The following NDRG3 variants were observed in gnomAD, a reference collection of about 807,000 sequenced individuals.
The protein encoded by NDRG3 is protein NDRG3.
NDRG3 carries 23 observed loss-of-function variants against 57.2 expected under a neutral mutation model. That is an observed-to-expected ratio of 0.40 (90% confidence interval 0.29 to 0.57). The LOEUF is 0.57. Among genes scored for constraint, NDRG3 ranks in the 20% least tolerant of loss-of-function variants. The pLI is 0.42. For missense variants in NDRG3, 384 were observed against 457.3 expected (o/e 0.84, Z 1.46); for synonymous variants, 132 against 162.6 (o/e 0.81, Z 1.43).
chr20:36,659,191 C>T (rs980359943), intron 13 of NDRG3, among the ~76,000 whole-genome samples: 5 of 152,240 alleles, frequency 3.3e-5, no homozygotes, highest in Non-Finnish European at 5.9e-5. Context: ...CCTCCCACCT[C>T]GGCCTTCCAA....
intron 12 of NDRG3, among the ~76,000 whole-genome samples, chr20:36,662,126 A>G (rs1469274986): frequency 6.6e-6 from 1 of 152,224 alleles, no homozygotes; most frequent in Non-Finnish European, 1.5e-5. Flanking sequence ...TGGATTTAAC[A>G]TAATAAATCA....
At position 36,726,914 on chromosome 20, in the gene NDRG3, C is replaced by T. The variant is rs6101965; in HGVS notation, c.-48-5131G>A. On this transcript the variant is annotated intron_variant, in intron 1 of 15. Transcript: ENST00000349004. ...TCCTCTCTGGTAGATATCTTTCTTT[C>T]TTTTTTTTTTTTTTTTCCTGAGACA... 9.2e-4 allele frequency among the ~76,000 whole-genome samples: 116 copies of T among 125,416 alleles called. 2 individuals are homozygous for T. Among genetic ancestry groups the T allele is most frequent in the African/African-American group, 3.9e-3 (97 of 24,672 alleles). The allele number at this position is 125,416 out of a possible 152,430, so 82.3% of individuals were successfully genotyped here.
chr20:36,725,715 G>T (rs1984892837), intron 1 of NDRG3, among the ~76,000 whole-genome samples: 1 of 151,640 alleles, frequency 6.6e-6, no homozygotes, highest in South Asian at 2.1e-4. Flanking sequence ...ATTTCCACTT[G>T]TTTTTCTTTT....
intron 1 of NDRG3, among the ~76,000 whole-genome samples, chr20:36,737,421 G>A (rs1985664177): frequency 6.6e-6 from 1 of 152,082 alleles, no homozygotes; most frequent in Non-Finnish European, 1.5e-5. Context: ...CCTGAGTGAG[G>A]TAAAGGACAA....
In NDRG3 at chr20:36,741,003, T is replaced by A. The variant is rs571756057; in HGVS notation, c.-49+5042A>T. Among the ~76,000 whole-genome samples the A allele has an allele frequency of 3.3e-5, 5 of 152,228 alleles. No homozygotes were observed. The South Asian group carries it at 1.0e-3, about 32-fold the overall frequency. ...TTAAAAAAGAAAGGTGGGGGGGGAA[T>A]CTTTTAGAAGAAACAATTTGACATC... On this transcript the variant is annotated intron_variant, in intron 1 of 15. Coordinates refer to ENST00000349004, the MANE Select transcript of NDRG3 (RefSeq NM_032013.4).
At chr20:36,720,106 C>CAA (rs879825496) in intron 2 of NDRG3, among the ~76,000 whole-genome samples, 1 of 112,990 alleles carries the variant, frequency 8.9e-6, no homozygotes. Context: ...GACTCCGTCT[C>CAA]AAAAAAAAAA....
At chr20:36,662,291 G>C (rs1285471219) in intron 12 of NDRG3, among the ~76,000 whole-genome samples, 1 of 149,972 alleles carries the variant, frequency 6.7e-6, no homozygotes, top group Non-Finnish European at 1.5e-5. Context: ...GCAGTGGCAC[G>C]ATCTCAGCTC....
intron 1 of NDRG3, among the ~76,000 whole-genome samples, chr20:36,728,819 G>A (rs1985106239): frequency 6.6e-6 from 1 of 151,896 alleles, no homozygotes; most frequent in Non-Finnish European, 1.5e-5. Flanking sequence ...TCCGCCTCCT[G>A]GGCTCAAGCG....
rs114675307 is a variant in NDRG3, at chr20:36,737,512, T to C, written c.-49+8533A>G. 7.6e-3 allele frequency among the ~76,000 whole-genome samples: 1,161 copies of C among 152,338 alleles called. 15 individuals carry two copies. Among genetic ancestry groups the C allele is most frequent in the African/African-American group, 0.026 (1,093 of 41,574 alleles). On this transcript the variant is annotated intron_variant, in intron 1 of 15. Coordinates refer to ENST00000349004, the MANE Select transcript of NDRG3 (RefSeq NM_032013.4). ...CTTAACACTATGCCAGGTACCGTGA[T>C]AAGCACTTTATGGATTCATTATTTC... is the stretch of plus-strand genomic sequence containing the variant.
intron 15 of NDRG3, among the ~76,000 whole-genome samples, chr20:36,655,046 C>T (rs1460602888): frequency 1.3e-5 from 2 of 152,232 alleles, no homozygotes; most frequent in Non-Finnish European, 2.9e-5. Context: ...CAATTGTTTT[C>T]CCCTCTGCTA....
intron 2 of NDRG3, among the ~76,000 whole-genome samples, chr20:36,714,761 G>A (rs775855306): frequency 3.3e-5 from 5 of 151,214 alleles, no homozygotes; most frequent in African/African-American, 7.3e-5. Flanking sequence ...CTACAGGCAC[G>A]TGCCACCACG....
At chr20:36,698,865 AT>A (rs1195618087) in intron 3 of NDRG3, among the ~76,000 whole-genome samples, 1 of 152,176 alleles carries the variant, frequency 6.6e-6, no homozygotes, top group East Asian at 1.9e-4. Flanking sequence ...TATATTAAAA[AT>A]ATACCACTTA....
intron 10 of NDRG3, 83 bp from the exon 11 acceptor site, chr20:36,665,384 T>C: frequency 8.3e-7 from 1 of 1,207,800 alleles, no homozygotes; most frequent in Non-Finnish European, 1.2e-6. Context: ...AACACCAAAA[T>C]TTATCAAGGA....
rs571746853 is a variant in NDRG3, at chr20:36,675,576, G to GGGTT, written c.532-4183_532-4180dup. Among the ~76,000 whole-genome samples the GGGTT allele has an allele frequency of 2.5e-3, 376 of 152,020 alleles. 6 individuals carry two copies. The highest frequency in any genetic ancestry group is 8.8e-3 in the African/African-American group (364 of 41,432). On this transcript the variant is annotated intron_variant, in intron 8 of 15. Coordinates refer to ENST00000349004, the MANE Select transcript of NDRG3 (RefSeq NM_032013.4). ...ACATTTTGTATTTTTAGTAGAGACG[G>GGGTT]GGTTTCTCCATGTTGGTCAGGCTGG...
chr20:36,678,919 AAT>A (rs1408654817), intron 8 of NDRG3, among the ~76,000 whole-genome samples: 3 of 152,322 alleles, frequency 2.0e-5, no homozygotes, highest in Admixed American at 1.3e-4. Flanking sequence ...TAAATGGTTA[AAT>A]ACTTTGAAGA....
At chr20:36,688,584 A>T in intron 4 of NDRG3, 95 bp downstream of exon 4, 2 of 906,678 alleles carry the variant, frequency 2.2e-6, no homozygotes, top group Non-Finnish European at 3.6e-6. Context: ...AGAGAGGGGG[A>T]AACCTCTGCT....
At position 36,665,068 on chromosome 20, in the gene NDRG3, T is replaced by C. The variant is rs559341680; in HGVS notation, c.788A>G (p.Asn263Ser). The stretch of plus-strand genomic sequence containing the variant: ...TACCACAGCCTCAACTGCAGGCGAA[T>C]TGTCCCCTACCACCAGTAAAGTAGA... ...KCSTLLVVGD[N>S]SPAVEAVVEC... The change falls in exon 12 of 16, where the codon AAT becomes AGT. Residue 263 changes from asparagine to serine, a missense_variant. Asn to Ser is a conservative substitution (Grantham distance 46). Coordinates refer to ENST00000349004, the MANE Select transcript of NDRG3 (RefSeq NM_032013.4). The C allele has an allele frequency of 8.7e-6, 14 of 1,614,110 alleles. No homozygotes were observed. The African/African-American group carries it at 1.6e-4, about 18-fold the overall frequency.
intron 8 of NDRG3, among the ~76,000 whole-genome samples, chr20:36,672,876 G>A (rs534403542): frequency 4.0e-5 from 6 of 151,726 alleles, no homozygotes; most frequent in South Asian, 2.1e-4. Flanking sequence ...ATTAGGACAC[G>A]ATTGATTGAC....
At chr20:36,715,316 C>A (rs368781581) in intron 2 of NDRG3, among the ~76,000 whole-genome samples, 18 of 151,418 alleles carry the variant, frequency 1.2e-4, no homozygotes, top group African/African-American at 3.9e-4. Flanking sequence ...CTACCTGCTT[C>A]GGAACCCATT....
Sources: gnomAD v4.1 joint callset for allele counts (sites outside exome capture counted in the v4.1 genomes callset) on GRCh38, gnomAD v4.1.1 for gene constraint, MANE v1.5 for transcripts, NCBI Gene and HGNC (gene_info 2026-07-23, HGNC 2026-07-21) for gene names.